Variants in ADGRF1 observed in about 807,000 individuals in gnomAD.
ADGRF1 encodes G protein-coupled receptor 110.
Under a neutral mutation model 87.2 loss-of-function variants are expected in ADGRF1, and 85 were observed. The ratio of observed to expected loss-of-function variants is 0.97; its 90% CI spans 0.82 to 1.17. The LOEUF (loss-of-function observed/expected upper bound fraction) is 1.17. Among genes scored for constraint, ADGRF1 ranks in the 50% most tolerant of loss-of-function variants. The probability of loss-of-function intolerance (pLI) is 0.00; values close to 1 mark genes in which losing one functional copy is unlikely to be tolerated. For missense variants in ADGRF1, 1,169 were observed against 1,077.2 expected, an observed-to-expected ratio of 1.09 and a Z score of -1.19; for synonymous variants, 430 against 408.8, an observed-to-expected ratio of 1.05 and a Z score of -0.63.
chr6:47,031,135 T>C (rs1353408221), intron 1 of ADGRF1, among the ~76,000 whole-genome samples: 1 of 152,196 alleles, frequency 6.6e-6, no homozygotes, highest in African/African-American at 2.4e-5. Flanking sequence ...CAGTTTATAG[T>C]GCTGGAGCTT....
chr6:47,019,788 C>A, intron 7 of ADGRF1: 1 of 984,666 alleles, frequency 1.0e-6, no homozygotes, highest in Non-Finnish European at 1.2e-6. Flanking sequence ...GACCTCTAAG[C>A]CACTTTCTCT....
In ADGRF1 at chr6:47,013,158, T is replaced by G. The variant is rs2113884899; in HGVS notation, c.928-963A>C. The G allele has an allele frequency of 5.1e-6, 5 of 985,374 alleles. No homozygotes were observed. The South Asian group carries it at 1.9e-4, about 37-fold the overall frequency. 61.0% of individuals were successfully genotyped at this position (985,374 alleles called of 1,614,324 possible). ...CTTGGAAAGCAGCAAAGGAAGGCAG[T>G]CCCCTTCCACTCAACATTAAGTCCA... On this transcript the variant is annotated intron_variant, in intron 9 of 14. Transcript: ENST00000371253.
rs182471568 is a variant in ADGRF1, at chr6:47,017,392, A to C, written c.612-624T>G. ...TGTAGAAAACAGATGGAAGGGAAGC[A>C]AGCAAGGTACAGGGAACTCAGTTAG... On this transcript the variant is annotated intron_variant, in intron 7 of 14. Transcript: ENST00000371253. The C allele has an allele frequency of 2.0e-5, 3 of 152,332 alleles. No homozygotes were observed. The East Asian group carries it at 5.8e-4, about 29-fold the overall frequency. The allele number at this position is 152,332 out of a possible 1,614,324, so 9.4% of individuals were successfully genotyped here.
chr6:47,009,351 T>A lies in ADGRF1; in HGVS notation c.2084A>T (p.Gln695Leu). The A allele has an allele frequency of 6.2e-7, 1 of 1,614,166 alleles. No individual in the cohort carries two copies. Among genetic ancestry groups the A allele is most frequent in the African/African-American group, 1.3e-5 (1 of 75,054 alleles). ...AAATCCAACAGCCATCATCAAATGC[T>A]GGGCCATGTGATGGAACACGAGGAT... ...RIILVFHHMA[Q>L]HLMMAVGFCL... is the part of the protein sequence containing the mutation. The change falls in exon 11 of 15, where the codon CAG becomes CTG. Residue 695 changes from glutamine to leucine, a missense_variant. Physicochemically the swap from Gln to Leu is moderately radical, Grantham distance 113 (BLOSUM62 -2). Coordinates refer to ENST00000371253, the MANE Select transcript of ADGRF1 (RefSeq NM_153840.4).
chr6:47,011,015 A>G (rs1209530798), intron 10 of ADGRF1, among the ~76,000 whole-genome samples: 1 of 152,140 alleles, frequency 6.6e-6, no homozygotes, highest in Non-Finnish European at 1.5e-5. Context: ...ACTCCACCTG[A>G]GTCTTACTCT....
intron 5 of ADGRF1, 23 bp downstream of exon 5, chr6:47,024,019 GCC>G: frequency 6.2e-7 from 1 of 1,603,940 alleles, no homozygotes; most frequent in Non-Finnish European, 8.5e-7. Flanking sequence ...AGAAGCCCCA[GCC>G]CAGAGCATTC....
At chr6:47,025,665 A>G (rs1026275101) in intron 4 of ADGRF1, among the ~76,000 whole-genome samples, 189 bp downstream of exon 4, 1 of 152,238 alleles carries the variant, frequency 6.6e-6, no homozygotes, top group African/African-American at 2.4e-5. Context: ...ATCACTGGGT[A>G]CTGGTGGCAA....
intron 1 of ADGRF1, among the ~76,000 whole-genome samples, chr6:47,029,739 G>A (rs1195508514): frequency 6.6e-6 from 1 of 152,160 alleles, no homozygotes; most frequent in East Asian, 1.9e-4. Flanking sequence ...GTAGCCATTA[G>A]CCATGTGTGG....
chr6:47,026,893 G>A (rs1181914003), intron 3 of ADGRF1, among the ~76,000 whole-genome samples: 2 of 152,162 alleles, frequency 1.3e-5, no homozygotes, highest in Non-Finnish European at 2.9e-5. Flanking sequence ...GGTGTGCAGT[G>A]GGGAACAGGG....
chr6:47,036,984 C>A (rs2060014031), intron 1 of ADGRF1, among the ~76,000 whole-genome samples: 1 of 152,110 alleles, frequency 6.6e-6, no homozygotes, highest in Non-Finnish European at 1.5e-5. Context: ...CCAGGCAAAC[C>A]AGGATTTAAC....
chr6:47,021,736 A>T (rs1780059584), intron 6 of ADGRF1, among the ~76,000 whole-genome samples: 1 of 152,220 alleles, frequency 6.6e-6, no homozygotes, highest in Non-Finnish European at 1.5e-5. Context: ...ATAAGTGAGC[A>T]AAACTGAACA....
At chr6:47,026,942 C>T (rs1187573853) in intron 3 of ADGRF1, among the ~76,000 whole-genome samples, 1 of 152,186 alleles carries the variant, frequency 6.6e-6, no homozygotes, top group Non-Finnish European at 1.5e-5. Context: ...GGGTTAATGG[C>T]ACTGGTTCTG....
At chr6:47,027,521 A>G (rs1561878591) in intron 3 of ADGRF1, among the ~76,000 whole-genome samples, 183 bp downstream of exon 3, 1 of 152,202 alleles carries the variant, frequency 6.6e-6, no homozygotes, top group East Asian at 1.9e-4. Flanking sequence ...CTGTGCTCTC[A>G]TGATATTATT....
At chr6:47,016,951 T>TC in intron 7 of ADGRF1, 183 bp from the exon 8 acceptor site, 60 of 437,786 alleles carry the variant, frequency 1.4e-4, no homozygotes, top group Non-Finnish European at 1.8e-4. Context: ...ATATATATGA[T>TC]ATATATATAT....
At chr6:47,027,434 T>A (rs1184048062) in intron 3 of ADGRF1, among the ~76,000 whole-genome samples, 2 of 152,234 alleles carry the variant, frequency 1.3e-5, no homozygotes, top group African/African-American at 2.4e-5. Flanking sequence ...CTATGGCCAT[T>A]AATTACATTG....
intron 1 of ADGRF1, among the ~76,000 whole-genome samples, chr6:47,035,591 A>G (rs1443135017): frequency 2.6e-5 from 4 of 152,204 alleles, no homozygotes; most frequent in Non-Finnish European, 5.9e-5. Flanking sequence ...TAACATTTAA[A>G]TTCTAAATAC....
chr6:47,016,660 C>T lies in ADGRF1; in HGVS notation c.720G>A (p.Lys240=). ...AAGAGCCGTCTTCTAATGGAAACAGCTTGTGAAGGGCTGTCTTAGCCTTCT... is the reference window on the plus strand; with the variant it reads ...AAGAGCCGTCTTCTAATGGAAACAGTTTGTGAAGGGCTGTCTTAGCCTTCT... ...VAEKAKTALH[K]LFPLEDGSFR... The change falls in exon 8 of 15, where the codon AAG becomes AAA. Residue 240 remains lysine, a synonymous_variant. Transcript: ENST00000371253. 6.2e-7 allele frequency: 1 copy of T among 1,611,076 alleles called. No individual in the cohort carries two copies. Among genetic ancestry groups the T allele is most frequent in the Non-Finnish European group, 8.5e-7 (1 of 1,177,808 alleles).
intron 4 of ADGRF1, 65 bp from the exon 5 acceptor site, chr6:47,024,282 G>A (rs1780160034): frequency 8.8e-7 from 1 of 1,140,758 alleles, no homozygotes; most frequent in Non-Finnish European, 1.3e-6. Context: ...GCTGAGCAGT[G>A]ATTTTATTTT....
chr6:47,009,368 C>G lies in ADGRF1; in HGVS notation c.2067G>C (p.Val689=). The change falls in exon 11 of 15, where the codon GTG becomes GTC. Residue 689 remains valine (V), a synonymous_variant. Coordinates refer to ENST00000371253, the MANE Select transcript of ADGRF1 (RefSeq NM_153840.4). ...TCAAATGCTGGGCCATGTGATGGAA[C>G]ACGAGGATGATCCGGTAAGCCAGCA... ...GILLAYRIIL[V]FHHMAQHLMM... is the part of the protein sequence containing the mutation. The G allele has an allele frequency of 6.2e-7, 1 of 1,614,060 alleles. No individual in the cohort carries two copies. Among genetic ancestry groups the G allele is most frequent in the South Asian group, 1.1e-5 (1 of 91,070 alleles).
Sources: gnomAD v4.1 joint callset for allele counts (sites outside exome capture counted in the v4.1 genomes callset) on GRCh38, gnomAD v4.1.1 for gene constraint, MANE v1.5 for transcripts, NCBI Gene and HGNC (gene_info 2026-07-23, HGNC 2026-07-21) for gene names.